The following SYNPR variants were observed in gnomAD, a reference collection of about 807,000 sequenced individuals.
SYNPR encodes synaptoporin.
In SYNPR, 23 loss-of-function variants were observed where a neutral mutation model predicts 32.9. The observed-to-expected ratio is 0.70, with a 90% CI of 0.50 to 0.99. The LOEUF (loss-of-function observed/expected upper bound fraction) is 0.99, where lower values mean the gene tolerates loss of function less well. Among genes scored for constraint, SYNPR ranks in the 50% least tolerant of loss-of-function variants. The pLI is 0.00. For missense variants in SYNPR, 318 were observed against 349.3 expected, an observed-to-expected ratio of 0.91 and a Z score of 0.71; for synonymous variants, 146 against 135.9, an observed-to-expected ratio of 1.07 and a Z score of -0.52.
At position 63,229,419 on chromosome 3, in the gene SYNPR, G is replaced by A. The variant is rs187006808; in HGVS notation, n.66+1039G>A. Among the ~76,000 whole-genome samples the A allele has an allele frequency of 1.8e-3, 281 of 152,148 alleles. 8 individuals carry two copies. The South Asian group carries it at 0.045, about 25-fold the overall frequency. ...GCTCTTCTGTGTACAGATATTCTAG[G>A]TCAGGAAAACAGATCAAATGAGAAT... On this transcript the variant is annotated intron_variant and non_coding_transcript_variant, in intron 1 of 4. Transcript: ENST00000478456.
At chr3:63,445,236 C>T (rs1176360702) in intron 2 of SYNPR, among the ~76,000 whole-genome samples, 1 of 152,146 alleles carries the variant, frequency 6.6e-6, no homozygotes, top group Non-Finnish European at 1.5e-5. Context: ...TGGCAGCATG[C>T]ATTCTGCATG....
rs5849560 is a variant in SYNPR at position 63,520,672 on chromosome 3, CA to C, written c.210-35857del. Reference sequence around the variant, plus strand: ...TGGGTGACAGAGCAAGACTCCATCTCAAAAAAAAAAAAAATCAGAGTGATCA... The same window carrying C: ...TGGGTGACAGAGCAAGACTCCATCTCAAAAAAAAAAAAATCAGAGTGATCA... On this transcript the variant is annotated intron_variant, in intron 3 of 5. Coordinates refer to ENST00000478300, the MANE Select transcript of SYNPR (RefSeq NM_001130003.2). Among the ~76,000 whole-genome samples, 381 of 142,560 alleles carry C rather than the reference CA, an allele frequency of 2.7e-3. 3 individuals are homozygous for C. The highest frequency in any genetic ancestry group is 0.011 in the Middle Eastern group (3 of 270). The allele number at this position is 142,560 out of a possible 152,430, so 93.5% of individuals were successfully genotyped here. A position where few individuals can be genotyped will look rare whatever the true frequency, so the allele number is the denominator to read the frequency against.
At chr3:63,435,850 T>C (rs1575642628) in intron 2 of SYNPR, among the ~76,000 whole-genome samples, 1 of 152,186 alleles carries the variant, frequency 6.6e-6, no homozygotes, top group Admixed American at 6.5e-5. Context: ...TTAAGAAATA[T>C]GTCAGAGTAA....
At chr3:63,549,876 C>T (rs1702472101) in intron 3 of SYNPR, 1 of 152,042 alleles carries the variant, frequency 6.6e-6, no homozygotes, top group South Asian at 2.1e-4. Context: ...CATTGATAGA[C>T]ACAATGCGGT....
chr3:63,287,012 T>C (rs2086690503), intron 2 of SYNPR, among the ~76,000 whole-genome samples: 2 of 152,196 alleles, frequency 1.3e-5, no homozygotes, highest in South Asian at 2.1e-4. Context: ...TTGATCTCTG[T>C]TCCCTAAGGA....
At chr3:63,224,882 C>T (rs375674144), upstream of SYNPR, among the ~76,000 whole-genome samples, 13 of 152,282 alleles carry the variant, frequency 8.5e-5, no homozygotes, top group Admixed American at 3.9e-4. Flanking sequence ...ATTGCCTGGA[C>T]GACATAGCAT....
At chr3:63,248,651 G>C (rs551156802) in intron 1 of SYNPR, among the ~76,000 whole-genome samples, 25 of 152,162 alleles carry the variant, frequency 1.6e-4, no homozygotes, top group African/African-American at 5.8e-4. Context: ...GAGTTCTATC[G>C]ATTGTTGTGG....
At chr3:63,454,547 A>C (rs1700443464) in intron 2 of SYNPR, among the ~76,000 whole-genome samples, 1 of 152,138 alleles carries the variant, frequency 6.6e-6, no homozygotes, top group South Asian at 2.1e-4. Context: ...GTTTTCCATT[A>C]AGGGAGAGAA....
intron 2 of SYNPR, among the ~76,000 whole-genome samples, chr3:63,291,828 T>TTCTCTCTC: frequency 1.3e-5 from 2 of 149,730 alleles, no homozygotes; most frequent in South Asian, 2.1e-4. Flanking sequence ...GTTTCTTTCT[T>TTCTCTCTC]TCTCTCTCTC....
At chr3:63,526,011 G>T (rs753389487) in intron 3 of SYNPR, among the ~76,000 whole-genome samples, 1 of 152,192 alleles carries the variant, frequency 6.6e-6, no homozygotes, top group Non-Finnish European at 1.5e-5. Context: ...GAGCCAGTGT[G>T]CTTAGAGAGC....
the SYNPR span, among the ~76,000 whole-genome samples, chr3:63,209,449 T>C: frequency 6.6e-6 from 1 of 152,140 alleles, no homozygotes; most frequent in Non-Finnish European, 1.5e-5. Context: ...AGTCCAGAGC[T>C]TACTAAAGAT....
chr3:63,580,644 A>T (rs1464880301), intron 4 of SYNPR, among the ~76,000 whole-genome samples: 2 of 152,038 alleles, frequency 1.3e-5, no homozygotes, highest in Non-Finnish European at 2.9e-5. Flanking sequence ...AACCTAGTGT[A>T]TTTTTCCAAT....
intron 3 of SYNPR, among the ~76,000 whole-genome samples, chr3:63,538,645 T>C (rs2106799559): frequency 6.6e-6 from 1 of 152,156 alleles, no homozygotes; most frequent in African/African-American, 2.4e-5. Context: ...CTGCTTGCCA[T>C]CCTGTGCCCC....
At chr3:63,304,557 T>G (rs1041314097) in intron 2 of SYNPR, among the ~76,000 whole-genome samples, 1 of 152,036 alleles carries the variant, frequency 6.6e-6, no homozygotes, top group African/African-American at 2.4e-5. Flanking sequence ...AAGATTTTTG[T>G]CTTTCTCCTG....
chr3:63,593,610 C>A (rs2106879237), intron 4 of SYNPR, among the ~76,000 whole-genome samples: 1 of 152,252 alleles, frequency 6.6e-6, no homozygotes, highest in South Asian at 2.1e-4. Flanking sequence ...AGAAAAAGTG[C>A]AGTATGTCAA....
At chr3:63,243,876 C>G (rs915037018) in intron 1 of SYNPR, among the ~76,000 whole-genome samples, 2 of 151,362 alleles carry the variant, frequency 1.3e-5, no homozygotes, top group Non-Finnish European at 2.9e-5. Context: ...ATAAAAAAAA[C>G]AAAAACAAAA....
intron 2 of SYNPR, among the ~76,000 whole-genome samples, chr3:63,331,107 T>A (rs1233788412): frequency 6.6e-6 from 1 of 152,212 alleles, no homozygotes; most frequent in East Asian, 1.9e-4. Flanking sequence ...ACCACCACTA[T>A]GACCACACTG....
intron 2 of SYNPR, among the ~76,000 whole-genome samples, chr3:63,259,154 C>T (rs1332424656): frequency 6.6e-6 from 1 of 152,166 alleles, no homozygotes; most frequent in Non-Finnish European, 1.5e-5. Context: ...CAAGGAAGAG[C>T]TGATACCATT....
intron 3 of SYNPR, among the ~76,000 whole-genome samples, chr3:63,502,490 A>G (rs771452391): frequency 4.6e-5 from 7 of 152,110 alleles, no homozygotes; most frequent in Non-Finnish European, 8.8e-5. Context: ...TATAATCACC[A>G]CTATAGTACT....
Sources: gnomAD v4.1 joint callset for allele counts (sites outside exome capture counted in the v4.1 genomes callset) on GRCh38, gnomAD v4.1.1 for gene constraint, MANE v1.5 for transcripts, NCBI Gene and HGNC (gene_info 2026-07-23, HGNC 2026-07-21) for gene names.